Variants in MON1A observed in about 807,000 individuals in gnomAD.
The protein encoded by MON1A is MON1 vesicular trafficking associated A, also known as vacuolar fusion protein MON1 homolog A.
MON1A carries 29 observed loss-of-function variants against 44.6 expected under a neutral mutation model. That is an observed-to-expected ratio of 0.65 (90% confidence interval 0.48 to 0.89). The LOEUF is 0.89. MON1A is among the 40% of genes least tolerant of loss of function. MON1A has a pLI of 0.00. For missense variants in MON1A, 615 were observed against 759.6 expected, an observed-to-expected ratio of 0.81 and a Z score of 2.24; for synonymous variants, 275 against 316.4, an observed-to-expected ratio of 0.87 and a Z score of 1.39.
Position 49,929,496 on chromosome 3 carries a change from C to T in MON1A, c.-14+113G>A, listed in dbSNP as rs2083076539. 3.2e-6 allele frequency: 4 copies of T among 1,264,602 alleles called. No homozygotes were observed. In the East Asian group the frequency reaches 1.0e-4, roughly 32 times the overall value. The allele number at this position is 1,264,602 out of a possible 1,614,324, so 78.3% of individuals were successfully genotyped here. A position where few individuals can be genotyped will look rare whatever the true frequency, so the allele number is the denominator to read the frequency against. ...GCAGGGAGACACAGTCTTCCCATTG[C>T]AAACGATAGCGTTGATGGCTGGAGG... On this transcript the variant is annotated intron_variant, in intron 1 of 5. Transcript: ENST00000296473.
intron 1 of MON1A, 35 bp downstream of exon 1, chr3:49,929,574 T>C: frequency 6.4e-7 from 1 of 1,550,608 alleles, no homozygotes; most frequent in Non-Finnish European, 8.7e-7. Flanking sequence ...AGTCTCTAGG[T>C]GCCTCCAGGC....
intron 1 of MON1A, chr3:49,929,358 G>A (rs1344015439): frequency 1.8e-5 from 10 of 565,974 alleles, no homozygotes; most frequent in Non-Finnish European, 2.5e-5. Context: ...GGGGAGTGGG[G>A]AGAGTCCTAC....
In MON1A at chr3:49,910,200, G is replaced by A. The variant is rs1017826636; in HGVS notation, c.1298C>T (p.Pro433Leu). The A allele has an allele frequency of 6.2e-7, 1 of 1,614,108 alleles. No individual in the cohort carries two copies. The highest frequency in any genetic ancestry group is 1.1e-5 in the South Asian group (1 of 91,072). Residue 433 changes from proline (P) to leucine (L), a missense_variant, in exon 4 of 6, where the codon CCC becomes CTC. Pro to Leu is a moderately conservative substitution (Grantham distance 98, BLOSUM62 -3). Transcript: ENST00000296473. This position sits in a 1 kb window ranked among gnomAD's most constrained non-coding sequence, Gnocchi z 8.0. ...GCCCACTTGGGCAACGCTGTAGTAG[G>A]GTGTGCGCAGTGCCTCTCGCAGGGC... is the stretch of plus-strand genomic sequence containing the variant. ...HLALREALRT[P>L]YYSVAQVGIP...
Position 49,911,981 on chromosome 3 carries a change from T to C in MON1A, c.158A>G (p.His53Arg). The part of the protein sequence containing the change: ...GAGQEGAMFV[H>R]ARSYEDLTES... ...AGTCAGGTCCTCGTAGGAACGGGCA[T>C]GGACGAACATGGCACCCTCCTGGCC... Residue 53 changes from histidine to arginine, a missense_variant, in exon 3 of 6, where the codon CAT becomes CGT. Coordinates refer to ENST00000296473, the MANE Select transcript of MON1A (RefSeq NM_032355.4). This position sits in a 1 kb window ranked among gnomAD's most constrained non-coding sequence, Gnocchi z 5.7. 1 of 1,602,060 alleles carries C rather than the reference T, an allele frequency of 6.2e-7. No homozygotes were observed.
At chr3:49,913,470 A>C in intron 1 of MON1A, 111 bp from the exon 2 acceptor site, 1 of 990,826 alleles carries the variant, frequency 1.0e-6, no homozygotes, top group Non-Finnish European at 1.4e-6. Flanking sequence ...ACTAACTCAA[A>C]TCTCTAGAAA....
rs1031804140 is a variant in MON1A at position 49,909,800 on chromosome 3, C to A, written c.1379+319G>T. 8.4e-6 allele frequency: 3 copies of A among 356,902 alleles called. No homozygotes were observed. The South Asian group carries it at 1.8e-4, about 22-fold the overall frequency. The allele number at this position is 356,902 out of a possible 1,614,324, so 22.1% of individuals were successfully genotyped here. A position where few individuals can be genotyped will look rare whatever the true frequency, so the allele number is the denominator to read the frequency against. On this transcript the variant is annotated intron_variant, in intron 4 of 5. Transcript: ENST00000296473. This position sits in a 1 kb window ranked among gnomAD's most constrained non-coding sequence, Gnocchi z 4.0. ...GGGGAGGGGGTGGAGGAGGGCTGTG[C>A]TTCCTGAGCTGGACCAAAATGACCC... is the stretch of plus-strand genomic sequence containing the variant.
In MON1A at chr3:49,925,783, C is replaced by T. The variant is rs184148401; in HGVS notation, c.-14+3826G>A. Among the ~76,000 whole-genome samples the T allele has an allele frequency of 3.9e-5, 6 of 152,316 alleles. No homozygotes were observed. The East Asian group carries it at 1.2e-3, about 29-fold the overall frequency. On this transcript the variant is annotated intron_variant, in intron 1 of 5. Coordinates refer to ENST00000296473, the MANE Select transcript of MON1A (RefSeq NM_032355.4). Reference sequence around the variant, plus strand: ...AATATATTAAGTTGAAGATTTCACACAGAATGTCCAATTTTCATGAAACAG... The same window carrying T: ...AATATATTAAGTTGAAGATTTCACATAGAATGTCCAATTTTCATGAAACAG...
At chr3:49,915,994 T>C (rs2082939785) in intron 1 of MON1A, 1 of 152,160 alleles carries the variant, frequency 6.6e-6, no homozygotes, top group Non-Finnish European at 1.5e-5. Context: ...ACCAATCCTT[T>C]AAGAAAGAGG....
At chr3:49,918,048 AC>A (rs1203239462) in intron 1 of MON1A, among the ~76,000 whole-genome samples, 1 of 151,748 alleles carries the variant, frequency 6.6e-6, no homozygotes, top group African/African-American at 2.4e-5. Flanking sequence ...CTCAAAAAAA[AC>A]AAGAAGGCCA....
At chr3:49,928,393 G>A (rs2083068440) in intron 1 of MON1A, among the ~76,000 whole-genome samples, 1 of 152,208 alleles carries the variant, frequency 6.6e-6, no homozygotes, top group Admixed American at 6.5e-5. Flanking sequence ...GTTAGGCAAA[G>A]GAGGTCTCTT....
chr3:49,909,185 GTTA>G lies in MON1A; in HGVS notation c.1528-34_1528-32del. 1 of 1,611,106 alleles carries G rather than the reference GTTA, an allele frequency of 6.2e-7. No homozygotes were observed. Among genetic ancestry groups the G allele is most frequent in the African/African-American group, 1.3e-5 (1 of 74,898 alleles). On this transcript the variant is annotated intron_variant, in intron 5 of 5. Coordinates refer to ENST00000296473, the MANE Select transcript of MON1A (RefSeq NM_032355.4). This position sits in a 1 kb window ranked among gnomAD's most constrained non-coding sequence, Gnocchi z 4.0. ...GAAGGGGCAAAGGGTCGTCATCTAGGTTAGAGGCCCCTCATGGCCCATACCTAG... is the reference window on the plus strand; with the variant it reads ...GAAGGGGCAAAGGGTCGTCATCTAGGGAGGCCCCTCATGGCCCATACCTAG...
Position 49,913,244 on chromosome 3 carries a change from C to T in MON1A, c.103G>A (p.Gly35Arg), listed in dbSNP as rs1275901107. The T allele has an allele frequency of 2.5e-6, 4 of 1,614,226 alleles. No individual in the cohort carries two copies. Among genetic ancestry groups the T allele is most frequent in the Non-Finnish European group, 3.4e-6 (4 of 1,180,038 alleles). ...CCTGGCTCCATTCCCTGGGCCATTC[C>T]TGGTGTGGGGCTCTCAGCTCTCTCC... ...SMERAESPTP[G>R]MAQGMEPGAG... The change falls in exon 2 of 6, where the codon GGA (glycine) becomes AGA (arginine). Residue 35 changes from glycine (G) to arginine (R), a missense_variant. Gly to Arg is a moderately radical substitution (Grantham distance 125). Transcript: ENST00000296473.
chr3:49,913,374 A>G lies in MON1A; in HGVS notation c.-13-15T>C. The stretch of plus-strand genomic sequence containing the variant: ...TTTGAGCTCTCCTGTGGGGCAAACA[A>G]ATGCAACATCGATGGCTTTTGGCAG... On this transcript the variant is annotated splice_polypyrimidine_tract_variant and intron_variant, in intron 1 of 5. Transcript: ENST00000296473. The G allele has an allele frequency of 6.3e-7, 1 of 1,599,522 alleles. No homozygotes were observed. The highest frequency in any genetic ancestry group is 2.2e-5 in the East Asian group (1 of 44,486).
Position 49,913,302 on chromosome 3 carries a change from A to G in MON1A, c.45T>C (p.Asp15=). ...GTCCATCAGAAGGAGTCAATGTGCC[A>G]TCAAGGCATTCGCTGCTTCTCTTCC... ...MQRKRSSECL[D]GTLTPSDGQS... Residue 15 remains aspartate, a synonymous_variant, in exon 2 of 6, where the codon GAT becomes GAC. Transcript: ENST00000296473. The G allele has an allele frequency of 6.2e-7, 1 of 1,613,980 alleles. No homozygotes were observed. Among genetic ancestry groups the G allele is most frequent in the Non-Finnish European group, 8.5e-7 (1 of 1,179,886 alleles).
At chr3:49,916,533 A>G (rs1163658261) in intron 1 of MON1A, 1 of 152,270 alleles carries the variant, frequency 6.6e-6, no homozygotes, top group African/African-American at 2.4e-5. Context: ...AGGACCGCAG[A>G]GCACATGGAG....
intron 1 of MON1A, chr3:49,924,680 C>CAA: frequency 6.4e-6 from 1 of 157,412 alleles, no homozygotes; most frequent in South Asian, 1.4e-4. Context: ...GACCCTGTCT[C>CAA]AAAAAAAAAT....
intron 1 of MON1A, chr3:49,920,596 T>C (rs1167621158): frequency 6.6e-6 from 1 of 152,134 alleles, no homozygotes; most frequent in Non-Finnish European, 1.5e-5. Context: ...TCCCAGCACT[T>C]TGGGAGGCCG....
intron 1 of MON1A, among the ~76,000 whole-genome samples, chr3:49,922,315 A>G (rs1010502548): frequency 1.3e-5 from 2 of 150,680 alleles, no homozygotes; most frequent in African/African-American, 2.4e-5. Flanking sequence ...GTGTGGTGGC[A>G]TATGCCTGTA....
chr3:49,912,889 T>TTAA (rs1241372340), intron 2 of MON1A: 2 of 411,836 alleles, frequency 4.9e-6, no homozygotes, highest in African/African-American at 4.1e-5. Flanking sequence ...AATTATGAAA[T>TTAA]AATTAGTGTG....
Sources: gnomAD v4.1 joint callset for allele counts (sites outside exome capture counted in the v4.1 genomes callset) on GRCh38, gnomAD v4.1.1 for gene constraint, Gnocchi (gnomAD v3.1) non-coding constraint, MANE v1.5 for transcripts, NCBI Gene and HGNC (gene_info 2026-07-23, HGNC 2026-07-21) for gene names.